Variants in DPP10 observed in about 807,000 individuals in gnomAD.
DPP10 encodes dipeptidyl peptidase like 10.
Under a neutral mutation model 120.9 loss-of-function variants are expected in DPP10, and 33 were observed. That is an observed-to-expected ratio of 0.27 (90% CI 0.21 to 0.37). The LOEUF is 0.37. DPP10 is among the 10% of genes least tolerant of loss of function. The pLI is 1.00. For missense variants in DPP10, 816 were observed against 942.8 expected, an observed-to-expected ratio of 0.87 and a Z score of 1.76; for synonymous variants, 337 against 326.1, an observed-to-expected ratio of 1.03 and a Z score of -0.36.
At chr2:114,499,452 A>T (rs1277538530) in intron 1 of DPP10, among the ~76,000 whole-genome samples, 5 of 152,224 alleles carry the variant, frequency 3.3e-5, no homozygotes, top group Non-Finnish European at 5.9e-5. Context: ...GCTAAGCTGG[A>T]CAACTCTATA....
At chr2:115,188,241 G>A (rs955654582) in intron 1 of DPP10, among the ~76,000 whole-genome samples, 15 of 152,106 alleles carry the variant, frequency 9.9e-5, no homozygotes, top group Admixed American at 2.0e-4. Context: ...CTTTTCCTTC[G>A]TATTTTTTAG....
At chr2:115,137,836 T>G (rs1033691742) in intron 1 of DPP10, among the ~76,000 whole-genome samples, 2 of 152,142 alleles carry the variant, frequency 1.3e-5, no homozygotes, top group Admixed American at 6.6e-5. Flanking sequence ...GTCAGACTAT[T>G]AGAACAAGAG....
At chr2:115,004,164 A>G (rs1032634847) in intron 1 of DPP10, among the ~76,000 whole-genome samples, 11 of 152,292 alleles carry the variant, frequency 7.2e-5, no homozygotes, top group African/African-American at 2.6e-4. Context: ...GGTGATCACC[A>G]GAGGCTGGAA....
At chr2:115,108,056 C>T (rs2049035423) in intron 1 of DPP10, among the ~76,000 whole-genome samples, 2 of 152,136 alleles carry the variant, frequency 1.3e-5, no homozygotes, top group South Asian at 4.1e-4. Context: ...GATTTACTCA[C>T]CCTTTTCATG....
At chr2:114,786,347 A>T (rs752790961) in intron 1 of DPP10, among the ~76,000 whole-genome samples, 2 of 152,218 alleles carry the variant, frequency 1.3e-5, no homozygotes, top group African/African-American at 2.4e-5. Flanking sequence ...TCCTAAAAAC[A>T]CATCTTTGCA....
At chr2:114,696,385 G>A (rs1326821356) in intron 1 of DPP10, among the ~76,000 whole-genome samples, 1 of 152,018 alleles carries the variant, frequency 6.6e-6, no homozygotes, top group African/African-American at 2.4e-5. Flanking sequence ...TCATTTGTTT[G>A]AACACACTAC....
chr2:115,293,705 C>T (rs1002878180), intron 1 of DPP10, among the ~76,000 whole-genome samples: 4 of 151,326 alleles, frequency 2.6e-5, no homozygotes, highest in Admixed American at 6.6e-5. Flanking sequence ...ATGGGTATTA[C>T]GAAATGATTT....
intron 7 of DPP10, among the ~76,000 whole-genome samples, chr2:115,717,180 T>C (rs1356283160): frequency 6.6e-6 from 1 of 152,118 alleles, no homozygotes; most frequent in East Asian, 1.9e-4. Context: ...TTCTTAACAT[T>C]GAGGCTTTGA....
intron 7 of DPP10, among the ~76,000 whole-genome samples, chr2:115,708,346 A>AAGTTGGC (rs2092203408): frequency 6.6e-6 from 1 of 152,014 alleles, no homozygotes; most frequent in Non-Finnish European, 1.5e-5. Context: ...AGACTTGCTA[A>AAGTTGGC]TAATATTGAA....
intron 1 of DPP10, among the ~76,000 whole-genome samples, chr2:114,476,520 A>T (rs1680384342): frequency 6.6e-6 from 1 of 152,180 alleles, no homozygotes; most frequent in Admixed American, 6.5e-5. Context: ...AAAAAGAAAC[A>T]AAAAAATATG....
chr2:115,296,365 AT>A (rs769118281), intron 1 of DPP10, among the ~76,000 whole-genome samples: 82 of 152,146 alleles, frequency 5.4e-4, no homozygotes, highest in Middle Eastern at 6.8e-3. Flanking sequence ...ATGCAGTCGT[AT>A]TTCGCCAATG....
intron 1 of DPP10, among the ~76,000 whole-genome samples, chr2:114,657,074 G>C (rs762172258): frequency 6.6e-6 from 1 of 152,020 alleles, no homozygotes; most frequent in Non-Finnish European, 1.5e-5. Flanking sequence ...GTCAGTACTA[G>C]GTGTCTCTGC....
chr2:114,764,850 T>C (rs910921289), intron 1 of DPP10, among the ~76,000 whole-genome samples: 1 of 152,144 alleles, frequency 6.6e-6, no homozygotes, highest in Admixed American at 6.5e-5. Context: ...ATGAATGCAA[T>C]TTTAGAGAAG....
At chr2:115,408,635 A>G (rs1307526338) in intron 3 of DPP10, among the ~76,000 whole-genome samples, 1 of 152,228 alleles carries the variant, frequency 6.6e-6, no homozygotes, top group Non-Finnish European at 1.5e-5. Context: ...TCTGATCCCA[A>G]TACAATTCTA....
intron 1 of DPP10, among the ~76,000 whole-genome samples, chr2:114,987,804 C>CTTTTTTTTTTTTTTT (rs59203543): frequency 0.089 from 8,995 of 100,942 alleles, 2,053 homozygotes; most frequent in East Asian, 0.31. Flanking sequence ...TGGAGACTGT[C>CTTTTTTTTTTTTTTT]TTTTTTTTTT....
intron 1 of DPP10, among the ~76,000 whole-genome samples, chr2:115,067,814 A>T (rs1707025838): frequency 7.0e-6 from 1 of 141,874 alleles, no homozygotes; most frequent in Non-Finnish European, 1.5e-5. Context: ...GTGAGCTGAG[A>T]TCCTGCAACT....
chr2:115,584,144 G>A (rs1009635325), intron 5 of DPP10, among the ~76,000 whole-genome samples: 9 of 152,096 alleles, frequency 5.9e-5, no homozygotes, highest in African/African-American at 2.2e-4. Context: ...CCATATCAGG[G>A]TCCTTCTTGA....
chr2:114,531,115 G>T (rs932334206), intron 1 of DPP10, among the ~76,000 whole-genome samples: 4 of 152,082 alleles, frequency 2.6e-5, no homozygotes, highest in Non-Finnish European at 5.9e-5. Context: ...AGACTGGAAT[G>T]TCTCTTCCTC....
At chr2:115,040,818 A>G (rs1704580182) in intron 1 of DPP10, among the ~76,000 whole-genome samples, 1 of 152,084 alleles carries the variant, frequency 6.6e-6, no homozygotes, top group Non-Finnish European at 1.5e-5. Flanking sequence ...TTCTGCCATG[A>G]TTGAAAGTTT....
Sources: allele counts gnomAD v4.1 joint callset (sites outside exome capture counted in the v4.1 genomes callset), GRCh38; gene constraint gnomAD v4.1.1; transcripts MANE v1.5; gene names NCBI Gene and HGNC (gene_info 2026-07-23, HGNC 2026-07-21).